The following MAPKAPK2 variants were observed in gnomAD, a reference collection of about 807,000 sequenced individuals.
The protein encoded by MAPKAPK2 is MAPK activated protein kinase 2.
Under a neutral mutation model 48.8 loss-of-function variants are expected in MAPKAPK2, and 9 were observed. The ratio of observed to expected loss-of-function variants is 0.18; its 90% confidence interval spans 0.11 to 0.32. MAPKAPK2 has a LOEUF of 0.32. Ranked by LOEUF, MAPKAPK2 falls within the 10% of genes least tolerant of loss-of-function variation. The pLI, the probability that MAPKAPK2 is intolerant of heterozygous loss-of-function variation, is 1.00. For synonymous variants in MAPKAPK2, 202 were observed against 190.6 expected (o/e 1.06, Z -0.49); for missense variants, 331 against 498.3 (o/e 0.66, Z 3.20).
chr1:206,728,293 A>G (rs73082921), intron 1 of MAPKAPK2, among the ~76,000 whole-genome samples: 5,687 of 152,062 alleles, frequency 0.037, 349 homozygotes, highest in African/African-American at 0.13. Flanking sequence ...GCCTTTTCCT[A>G]TGGACTCTGG....
rs782794785 is a variant in MAPKAPK2, at chr1:206,731,635, C to T, written c.893-5C>T. On this transcript the variant is annotated splice_polypyrimidine_tract_variant and splice_region_variant and intron_variant, in intron 7 of 9. Coordinates refer to ENST00000367103, the MANE Select transcript of MAPKAPK2 (RefSeq NM_032960.4). The surrounding 1 kb of genome is among the most constrained non-coding windows in gnomAD (Gnocchi z 5.9). ...GCTGTCACTGCCCCCTGTCCCACCC[C>T]ACAGTGAAGATGCTCATTCGGAATC... 14 of 1,612,604 alleles carry T rather than the reference C, an allele frequency of 8.7e-6. No homozygotes were observed. The highest frequency in any genetic ancestry group is 1.1e-5 in the Non-Finnish European group (13 of 1,178,580).
At chr1:206,699,391 C>T (rs1202409640) in intron 1 of MAPKAPK2, among the ~76,000 whole-genome samples, 3 of 152,138 alleles carry the variant, frequency 2.0e-5, no homozygotes, top group Non-Finnish European at 4.4e-5. Flanking sequence ...TGGACATATA[C>T]CTGTGACACA....
chr1:206,715,101 T>C (rs1181685142), intron 1 of MAPKAPK2, among the ~76,000 whole-genome samples: 7 of 152,224 alleles, frequency 4.6e-5, no homozygotes, highest in Admixed American at 6.5e-5. Flanking sequence ...TAGCTTAGAA[T>C]TGAGGCTTCT....
At chr1:206,708,965 A>G (rs899471521) in intron 1 of MAPKAPK2, among the ~76,000 whole-genome samples, 3 of 152,224 alleles carry the variant, frequency 2.0e-5, no homozygotes, top group Admixed American at 1.3e-4. Flanking sequence ...TATAGATATG[A>G]TAAAATTTGC....
At chr1:206,723,264 A>G (rs1481579006) in intron 1 of MAPKAPK2, among the ~76,000 whole-genome samples, 1 of 152,190 alleles carries the variant, frequency 6.6e-6, no homozygotes, top group African/African-American at 2.4e-5. Flanking sequence ...GTGTAATGGA[A>G]TCCCAGTTGC....
chr1:206,730,746 T>A lies in MAPKAPK2; in HGVS notation c.750T>A (p.Gly250=), dbSNP rs1553432512. ...AGTCCTGTGACATGTGGTCCCTGGG[T>A]GTCATCATGTACATCCTGTGAGTGT... is the stretch of plus-strand genomic sequence containing the variant. ...YDKSCDMWSL[G]VIMYILLCGY... is the part of the protein sequence containing the mutation. The change falls in exon 6 of 10, where the codon GGT becomes GGA. Residue 250 remains glycine (G), a synonymous_variant. Transcript: ENST00000367103. 1 of 1,609,240 alleles carries A rather than the reference T, an allele frequency of 6.2e-7. No individual in the cohort carries two copies. Among genetic ancestry groups the A allele is most frequent in the South Asian group, 1.1e-5 (1 of 90,958 alleles).
intron 1 of MAPKAPK2, among the ~76,000 whole-genome samples, chr1:206,695,660 A>G (rs373273079): frequency 8.7e-4 from 132 of 151,806 alleles, no homozygotes; most frequent in African/African-American, 3.1e-3. Flanking sequence ...AGCCTTTCGC[A>G]CCAAAAGTGG....
In MAPKAPK2 at chr1:206,731,112, C is replaced by A; in HGVS notation, c.768-26C>A. 1 of 1,614,148 alleles carries A rather than the reference C, an allele frequency of 6.2e-7. No homozygotes were observed. Among genetic ancestry groups the A allele is most frequent in the Non-Finnish European group, 8.5e-7 (1 of 1,179,996 alleles). On this transcript the variant is annotated intron_variant, in intron 6 of 9. Coordinates refer to ENST00000367103, the MANE Select transcript of MAPKAPK2 (RefSeq NM_032960.4). The surrounding 1 kb of genome is among the most constrained non-coding windows in gnomAD (Gnocchi z 5.9). ...CACTAAGTGACAGCTGTTCTGTCTC[C>A]CACTTCCTTCCTCCTGTTGATGCAG...
At chr1:206,698,674 C>T (rs190316320) in intron 1 of MAPKAPK2, among the ~76,000 whole-genome samples, 4 of 152,262 alleles carry the variant, frequency 2.6e-5, no homozygotes, top group Non-Finnish European at 1.5e-5. Context: ...TAAAATAACC[C>T]TTTTACTGCA....
chr1:206,690,861 C>T (rs1246438081), intron 1 of MAPKAPK2, among the ~76,000 whole-genome samples: 1 of 152,212 alleles, frequency 6.6e-6, no homozygotes, highest in Non-Finnish European at 1.5e-5. Flanking sequence ...GTCTGTGGTG[C>T]AGGATTCACT....
At position 206,731,604 on chromosome 1, in the gene MAPKAPK2, C is replaced by G; in HGVS notation, c.893-36C>G. 6.5e-7 allele frequency: 1 copy of G among 1,527,078 alleles called. No homozygotes were observed. The highest frequency in any genetic ancestry group is 9.1e-7 in the Non-Finnish European group (1 of 1,100,736). 94.6% of individuals were successfully genotyped at this position (1,527,078 alleles called of 1,614,324 possible). On this transcript the variant is annotated intron_variant, in intron 7 of 9. Transcript: ENST00000367103. This position sits in a 1 kb window ranked among gnomAD's most constrained non-coding sequence, Gnocchi z 5.9. ...AAAGGAGCAGGCCAGGGAGAGTGACCCCTGAGCTGTCACTGCCCCCTGTCC... is the reference window on the plus strand; with the variant it reads ...AAAGGAGCAGGCCAGGGAGAGTGACGCCTGAGCTGTCACTGCCCCCTGTCC...
At chr1:206,719,408 TG>T (rs1278331844) in intron 1 of MAPKAPK2, among the ~76,000 whole-genome samples, 3 of 152,230 alleles carry the variant, frequency 2.0e-5, no homozygotes, top group African/African-American at 7.2e-5. Flanking sequence ...AGCTTTGTTT[TG>T]GGTAGGGACT....
At chr1:206,725,907 G>C (rs1045368121) in intron 1 of MAPKAPK2, among the ~76,000 whole-genome samples, 2 of 152,086 alleles carry the variant, frequency 1.3e-5, no homozygotes. Context: ...CCCCCCACTA[G>C]CCTAGGCTTT....
intron 3 of MAPKAPK2, 135 bp downstream of exon 3, chr1:206,729,234 C>T: frequency 8.8e-7 from 1 of 1,141,938 alleles, no homozygotes; most frequent in Non-Finnish European, 1.3e-6. Flanking sequence ...AGGGGTGCCT[C>T]AGCTGACCAG....
intron 1 of MAPKAPK2, among the ~76,000 whole-genome samples, chr1:206,687,949 T>C (rs1672337047): frequency 6.6e-6 from 1 of 152,112 alleles, no homozygotes; most frequent in Non-Finnish European, 1.5e-5. Context: ...GCCCTGAGAG[T>C]TGATGGGAGC....
chr1:206,706,574 C>T (rs1672965497), intron 1 of MAPKAPK2, among the ~76,000 whole-genome samples: 1 of 152,168 alleles, frequency 6.6e-6, no homozygotes, highest in South Asian at 2.1e-4. Flanking sequence ...AGGGAGCAAG[C>T]CCTTGCCAAG....
chr1:206,721,451 G>A (rs868962323), intron 1 of MAPKAPK2, among the ~76,000 whole-genome samples: 1 of 152,164 alleles, frequency 6.6e-6, no homozygotes, highest in East Asian at 1.9e-4. Flanking sequence ...TTAAAGATAC[G>A]TCTATGATTA....
intron 1 of MAPKAPK2, among the ~76,000 whole-genome samples, chr1:206,724,136 A>G (rs4607880): frequency 0.75 from 114,766 of 152,128 alleles, 43,588 homozygotes; most frequent in Middle Eastern, 0.92. Context: ...TCCTCAGAGC[A>G]TGGTTCAGGG....
rs1175961910 is a variant in MAPKAPK2, at chr1:206,696,326, G to A, written c.279+10818G>A. The A allele has an allele frequency of 2.9e-5, 23 of 782,450 alleles. No homozygotes were observed. In the East Asian group the frequency reaches 3.7e-4, roughly 12 times the overall value. 48.5% of individuals were successfully genotyped at this position (782,450 alleles called of 1,614,324 possible). On this transcript the variant is annotated intron_variant, in intron 1 of 9. Coordinates refer to ENST00000367103, the MANE Select transcript of MAPKAPK2 (RefSeq NM_032960.4). Reference sequence around the variant, plus strand: ...AACGCAAGGCACCTCTTTAGATATCGGATTGGACTGTAAATCCCCTGAAAA... The same window carrying A: ...AACGCAAGGCACCTCTTTAGATATCAGATTGGACTGTAAATCCCCTGAAAA...
Sources: gnomAD v4.1 joint callset for allele counts (sites outside exome capture counted in the v4.1 genomes callset) on GRCh38, gnomAD v4.1.1 for gene constraint, Gnocchi (gnomAD v3.1) non-coding constraint, MANE v1.5 for transcripts, NCBI Gene and HGNC (gene_info 2026-07-23, HGNC 2026-07-21) for gene names.